Variants in MGLL observed in about 807,000 individuals in gnomAD.
MGLL encodes the protein monoglyceride lipase.
In MGLL, 7 loss-of-function variants were observed where a neutral mutation model predicts 29.1. That is an observed-to-expected ratio of 0.24 (90% CI 0.14 to 0.45). The LOEUF (loss-of-function observed/expected upper bound fraction) is 0.45. MGLL is among the 20% of genes least tolerant of loss of function. The pLI, the probability that MGLL is intolerant of heterozygous loss-of-function variation, is 0.99. For missense variants in MGLL, 356 were observed against 413.6 expected, an observed-to-expected ratio of 0.86 and a Z score of 1.21; for synonymous variants, 148 against 168.3, an observed-to-expected ratio of 0.88 and a Z score of 0.93.
intron 2 of MGLL, among the ~76,000 whole-genome samples, chr3:127,793,486 C>A (rs2077334204): frequency 6.6e-6 from 1 of 152,222 alleles, no homozygotes; most frequent in South Asian, 2.1e-4. Flanking sequence ...TAGAGAAGCT[C>A]TAGATCCCAC....
At chr3:127,738,676 G>T (rs1458709476) in intron 3 of MGLL, among the ~76,000 whole-genome samples, 2 of 152,084 alleles carry the variant, frequency 1.3e-5, no homozygotes, top group Admixed American at 1.3e-4. Context: ...CTTCCAGCAT[G>T]GGGGAGAAGG....
intron 7 of MGLL, among the ~76,000 whole-genome samples, chr3:127,694,300 T>A (rs2075308194): frequency 4.1e-5 from 5 of 121,414 alleles, no homozygotes; most frequent in African/African-American, 5.7e-5. Flanking sequence ...TATATATATA[T>A]ATATATATGT....
intron 3 of MGLL, among the ~76,000 whole-genome samples, chr3:127,733,615 G>A (rs755129282): frequency 3.3e-5 from 5 of 152,208 alleles, no homozygotes; most frequent in Non-Finnish European, 7.3e-5. Context: ...CCATGGTAAG[G>A]ATGCTGGCCT....
intron 6 of MGLL, among the ~76,000 whole-genome samples, chr3:127,710,324 C>T (rs1432029747): frequency 6.6e-6 from 1 of 152,222 alleles, no homozygotes; most frequent in Non-Finnish European, 1.5e-5. Flanking sequence ...AACCAAGAGA[C>T]TTGACTGGCA....
chr3:127,722,368 C>G, intron 4 of MGLL, 62 bp downstream of exon 4: 1 of 1,610,376 alleles, frequency 6.2e-7, no homozygotes, highest in Non-Finnish European at 8.5e-7. Context: ...GGGCCACCCC[C>G]TTCCCCCTGC....
intron 2 of MGLL, among the ~76,000 whole-genome samples, chr3:127,789,396 T>C (rs1379269028): frequency 6.6e-6 from 1 of 152,180 alleles, no homozygotes; most frequent in African/African-American, 2.4e-5. Context: ...CCCAACCCAA[T>C]CTTAGCTTAT....
intron 3 of MGLL, among the ~76,000 whole-genome samples, chr3:127,740,809 C>G (rs772378000): frequency 7.2e-5 from 11 of 152,228 alleles, no homozygotes; most frequent in Non-Finnish European, 1.6e-4. Flanking sequence ...GTGTGGGGAC[C>G]TCCCAGGGCT....
chr3:127,704,365 A>G (rs2075557790), intron 6 of MGLL, among the ~76,000 whole-genome samples: 1 of 152,224 alleles, frequency 6.6e-6, no homozygotes, highest in South Asian at 2.1e-4. Flanking sequence ...AACAAAAACA[A>G]AAATTAACAA....
intron 2 of MGLL, among the ~76,000 whole-genome samples, chr3:127,793,975 T>C (rs188155674): frequency 2.8e-3 from 429 of 152,366 alleles, no homozygotes; most frequent in Middle Eastern, 6.8e-3. Flanking sequence ...TCTATGATGT[T>C]AGACTATCTT....
At chr3:127,801,920 T>C (rs1365336830) in intron 2 of MGLL, among the ~76,000 whole-genome samples, 8 of 151,978 alleles carry the variant, frequency 5.3e-5, no homozygotes, top group Non-Finnish European at 1.2e-4. Flanking sequence ...GAACCCATGC[T>C]TGTCACCAGA....
chr3:127,714,473 T>C (rs2075777400), intron 5 of MGLL, among the ~76,000 whole-genome samples: 1 of 152,190 alleles, frequency 6.6e-6, no homozygotes, highest in Non-Finnish European at 1.5e-5. Flanking sequence ...GAGGACAAGC[T>C]TGTAACAGTA....
intron 3 of MGLL, among the ~76,000 whole-genome samples, chr3:127,742,152 T>C (rs2076351874): frequency 6.6e-6 from 1 of 152,258 alleles, no homozygotes; most frequent in Non-Finnish European, 1.5e-5. Context: ...TGACATTTCA[T>C]TGTCATCAGC....
intron 2 of MGLL, among the ~76,000 whole-genome samples, chr3:127,809,040 C>T (rs1576316491): frequency 6.6e-6 from 1 of 152,182 alleles, no homozygotes; most frequent in East Asian, 1.9e-4. Context: ...CCCAGATTTT[C>T]CCAGCTTTCT....
intron 6 of MGLL, among the ~76,000 whole-genome samples, chr3:127,708,770 G>A (rs1260661478): frequency 2.0e-5 from 3 of 152,192 alleles, no homozygotes; most frequent in African/African-American, 7.2e-5. Flanking sequence ...GAGCCATTAT[G>A]AGGGATGCAG....
chr3:127,795,642 C>G (rs2077370808), intron 2 of MGLL, among the ~76,000 whole-genome samples: 1 of 152,094 alleles, frequency 6.6e-6, no homozygotes, highest in Non-Finnish European at 1.5e-5. Context: ...TTAGAATTAC[C>G]TTAAGTAGTA....
chr3:127,802,956 T>C (rs922807691), intron 2 of MGLL, among the ~76,000 whole-genome samples: 7 of 152,022 alleles, frequency 4.6e-5, no homozygotes, highest in Admixed American at 4.6e-4. Flanking sequence ...GAGCACTGTC[T>C]TTCAAGCCTG....
chr3:127,735,912 G>A (rs770807562), intron 3 of MGLL: 43 of 1,533,032 alleles, frequency 2.8e-5, no homozygotes, highest in Non-Finnish European at 3.4e-5. Flanking sequence ...AGATGGGGCA[G>A]CTGGTCTGCA....
Position 127,695,495 on chromosome 3 carries a change from C to T in MGLL, c.601-305G>A, listed in dbSNP as rs148389392. On this transcript the variant is annotated intron_variant, in intron 6 of 7. Transcript: ENST00000265052. Reference sequence around the variant, plus strand: ...ATCCCAGAACTTTGGGAAGCTGAGGCGGGCGGATCACCTGAGGTCAGGAGT... The same window carrying T: ...ATCCCAGAACTTTGGGAAGCTGAGGTGGGCGGATCACCTGAGGTCAGGAGT... Among the ~76,000 whole-genome samples, 13 of 152,328 alleles carry T rather than the reference C, an allele frequency of 8.5e-5. No individual in the cohort carries two copies. In the East Asian group the frequency reaches 1.5e-3, roughly 18 times the overall value.
chr3:127,711,970 C>T (rs1186909803), intron 5 of MGLL: 3 of 152,272 alleles, frequency 2.0e-5, no homozygotes, highest in African/African-American at 7.2e-5. Flanking sequence ...GATCCGCCTG[C>T]CTCGGCCTCC....
Sources: gnomAD v4.1 joint callset for allele counts (sites outside exome capture counted in the v4.1 genomes callset) on GRCh38, gnomAD v4.1.1 for gene constraint, MANE v1.5 for transcripts, NCBI Gene and HGNC (gene_info 2026-07-23, HGNC 2026-07-21) for gene names.